Variants in KCNQ5 observed in about 807,000 individuals in gnomAD.
KCNQ5 encodes potassium voltage-gated channel subfamily Q member 5.
A neutral mutation model predicts 98.2 loss-of-function variants in KCNQ5; 30 were observed. That is an observed-to-expected ratio of 0.31 (90% CI 0.23 to 0.41). The LOEUF (loss-of-function observed/expected upper bound fraction) is 0.41. KCNQ5 is among the 10% of genes least tolerant of loss of function. The pLI is 1.00. For missense variants in KCNQ5, 835 were observed against 1,182.5 expected (o/e 0.71, Z 4.31); for synonymous variants, 458 against 449.4 (o/e 1.02, Z -0.24).
At chr6:73,098,855 A>G (rs1023780026) in intron 5 of KCNQ5, among the ~76,000 whole-genome samples, 2 of 152,186 alleles carry the variant, frequency 1.3e-5, no homozygotes, top group South Asian at 2.1e-4. Context: ...AAAACAGAAT[A>G]TTATAGCACT....
Position 72,622,195 on chromosome 6 carries a change from C to T in KCNQ5, c.6C>T (p.Pro2=). The change falls in exon 1 of 14, where the codon CCC becomes CCT. Residue 2 remains proline (P), a synonymous_variant. Transcript: ENST00000370398. This position sits in a 1 kb window ranked among gnomAD's most constrained non-coding sequence, Gnocchi z 6.0. ...GCGGTGCCCGTGGTGATGCCATGCC[C>T]CGCCACCACGCGGGAGGAGAGGAGG... The part of the protein sequence containing the change: M[P]RHHAGGEEGG... 1 of 1,225,256 alleles carries T rather than the reference C, an allele frequency of 8.2e-7. No individual in the cohort carries two copies. The highest frequency in any genetic ancestry group is 1.0e-6 in the Non-Finnish European group (1 of 984,042). 75.9% of individuals were successfully genotyped at this position (1,225,256 alleles called of 1,614,324 possible).
At chr6:72,720,582 C>G (rs1458808515) in intron 1 of KCNQ5, among the ~76,000 whole-genome samples, 2 of 152,034 alleles carry the variant, frequency 1.3e-5, no homozygotes, top group African/African-American at 4.8e-5. Context: ...ATTTTTCAGC[C>G]AAAGAGGTTT....
intron 1 of KCNQ5, among the ~76,000 whole-genome samples, chr6:72,961,949 G>A (rs1173937571): frequency 1.3e-5 from 2 of 151,748 alleles, no homozygotes; most frequent in African/African-American, 2.4e-5. Flanking sequence ...GGCCAAGGCG[G>A]GCAGATCCCT....
intron 1 of KCNQ5, among the ~76,000 whole-genome samples, chr6:72,834,325 C>A (rs139864130): frequency 4.1e-4 from 63 of 152,202 alleles, no homozygotes; most frequent in Admixed American, 1.2e-3. Flanking sequence ...TTTGCCAAGA[C>A]CTGTACTGCT....
At chr6:73,042,646 A>G (rs1284426478) in intron 3 of KCNQ5, among the ~76,000 whole-genome samples, 1 of 152,090 alleles carries the variant, frequency 6.6e-6, no homozygotes, top group Non-Finnish European at 1.5e-5. Flanking sequence ...TGAAATATGA[A>G]TCCCCCACCC....
intron 11 of KCNQ5, among the ~76,000 whole-genome samples, chr6:73,183,638 C>A (rs959603106): frequency 6.6e-6 from 1 of 152,170 alleles, no homozygotes; most frequent in Non-Finnish European, 1.5e-5. Context: ...ATACTAAATA[C>A]TCAGAGATGC....
chr6:72,861,910 G>A (rs1158880708), intron 1 of KCNQ5, among the ~76,000 whole-genome samples: 1 of 151,868 alleles, frequency 6.6e-6, no homozygotes, highest in Non-Finnish European at 1.5e-5. Context: ...TCTCTCCTGA[G>A]GTCTCTAGCT....
chr6:72,852,383 A>AT (rs945107948), intron 1 of KCNQ5, among the ~76,000 whole-genome samples: 9 of 150,914 alleles, frequency 6.0e-5, no homozygotes, highest in South Asian at 4.2e-4. Flanking sequence ...GGATGAATGG[A>AT]TTTTTTTTTA....
At chr6:73,117,219 T>C (rs1030570092) in intron 7 of KCNQ5, among the ~76,000 whole-genome samples, 3 of 152,226 alleles carry the variant, frequency 2.0e-5, no homozygotes, top group African/African-American at 7.2e-5. Context: ...ATCACAGGGA[T>C]GTGGGTTCAA....
At chr6:72,844,885 C>T (rs1312667291) in intron 1 of KCNQ5, among the ~76,000 whole-genome samples, 2 of 152,248 alleles carry the variant, frequency 1.3e-5, no homozygotes, top group Admixed American at 1.3e-4. Context: ...AACAAGTTTC[C>T]TTCGTAAATT....
chr6:72,868,474 G>A (rs1222497097), intron 1 of KCNQ5, among the ~76,000 whole-genome samples: 1 of 152,166 alleles, frequency 6.6e-6, no homozygotes, highest in Non-Finnish European at 1.5e-5. Context: ...GAGGGAGTCT[G>A]GGAGTGGCCC....
At chr6:72,793,808 A>G (rs1396644485) in intron 1 of KCNQ5, among the ~76,000 whole-genome samples, 1 of 152,248 alleles carries the variant, frequency 6.6e-6, no homozygotes, top group Non-Finnish European at 1.5e-5. Flanking sequence ...ATTGAGTGTC[A>G]GGCCCTGTGC....
intron 2 of KCNQ5, among the ~76,000 whole-genome samples, chr6:73,034,352 A>G (rs558602025): frequency 6.6e-6 from 1 of 152,378 alleles, no homozygotes; most frequent in South Asian, 2.1e-4. Context: ...TAAAAGCAAT[A>G]GTTCTAATTA....
chr6:72,980,954 G>C (rs1012288687), intron 1 of KCNQ5, among the ~76,000 whole-genome samples: 1 of 151,996 alleles, frequency 6.6e-6, no homozygotes. Context: ...TTATGTGATG[G>C]ATTACATTTA....
chr6:72,894,145 T>A (rs535159015), intron 1 of KCNQ5, among the ~76,000 whole-genome samples: 48 of 152,312 alleles, frequency 3.2e-4, no homozygotes, highest in African/African-American at 1.1e-3. Flanking sequence ...TTCTGGGCCC[T>A]TTTAACATTT....
chr6:72,927,229 C>A (rs1765468169), intron 1 of KCNQ5, among the ~76,000 whole-genome samples: 1 of 152,144 alleles, frequency 6.6e-6, no homozygotes. Context: ...AGTTTTACAA[C>A]CCGAATTCTG....
chr6:72,886,096 T>A (rs1051548123), intron 1 of KCNQ5, among the ~76,000 whole-genome samples: 2 of 152,128 alleles, frequency 1.3e-5, no homozygotes, highest in Non-Finnish European at 2.9e-5. Flanking sequence ...TGAGCTAGCA[T>A]GAGTGAGGGT....
intron 1 of KCNQ5, among the ~76,000 whole-genome samples, chr6:72,943,694 C>A (rs1227681954): frequency 6.6e-6 from 1 of 152,192 alleles, no homozygotes; most frequent in African/African-American, 2.4e-5. Flanking sequence ...ACCTAGATTG[C>A]AACCTTAGTT....
intron 3 of KCNQ5, among the ~76,000 whole-genome samples, chr6:73,076,332 C>A (rs1286527028): frequency 6.6e-6 from 1 of 152,158 alleles, no homozygotes; most frequent in Non-Finnish European, 1.5e-5. Context: ...CAGTCATGCA[C>A]AACCCACTTG....
Sources: allele counts gnomAD v4.1 joint callset (sites outside exome capture counted in the v4.1 genomes callset), GRCh38; gene constraint gnomAD v4.1.1; non-coding constraint Gnocchi (gnomAD v3.1); transcripts MANE v1.5; gene names NCBI Gene and HGNC (gene_info 2026-07-23, HGNC 2026-07-21).